BMPR1A: variants seen among roughly 807,000 people sequenced by gnomAD.
The protein encoded by BMPR1A is bone morphogenetic protein receptor type 1A.
Under a neutral mutation model 66.0 loss-of-function variants are expected in BMPR1A, and 7 were observed. The observed-to-expected ratio is 0.11, with a 90% CI of 0.06 to 0.20. The LOEUF is 0.20. BMPR1A is among the 10% of genes least tolerant of loss of function. The pLI is 1.00. For missense variants in BMPR1A, 408 were observed against 669.1 expected, an observed-to-expected ratio of 0.61 and a Z score of 4.31; for synonymous variants, 200 against 229.7, an observed-to-expected ratio of 0.87 and a Z score of 1.17.
At chr10:86,785,431 G>A (rs746322480) in intron 1 of BMPR1A, among the ~76,000 whole-genome samples, 2 of 152,140 alleles carry the variant, frequency 1.3e-5, no homozygotes, top group African/African-American at 2.4e-5. Context: ...TCACCTTCCC[G>A]AGTAGCTGGG....
chr10:86,887,953 T>C (rs1342665990), intron 3 of BMPR1A, among the ~76,000 whole-genome samples: 2 of 152,160 alleles, frequency 1.3e-5, no homozygotes, highest in African/African-American at 4.8e-5. Flanking sequence ...AGTGGATTTC[T>C]TCCCTTCCTG....
chr10:86,854,380 G>C (rs1184742616), intron 2 of BMPR1A, among the ~76,000 whole-genome samples: 1 of 152,162 alleles, frequency 6.6e-6, no homozygotes, highest in East Asian at 1.9e-4. Flanking sequence ...ACAGGATTAA[G>C]AGATTAAAGT....
intron 2 of BMPR1A, among the ~76,000 whole-genome samples, chr10:86,857,287 A>G (rs1261511922): frequency 6.6e-6 from 1 of 152,208 alleles, no homozygotes; most frequent in Non-Finnish European, 1.5e-5. Context: ...GCATAATCTC[A>G]GGAATGATCC....
chr10:86,912,894 T>G (rs189897140), intron 8 of BMPR1A, among the ~76,000 whole-genome samples: 1 of 152,212 alleles, frequency 6.6e-6, no homozygotes, highest in East Asian at 1.9e-4. Flanking sequence ...AAAAATAATT[T>G]TAAAGGGAAT....
At chr10:86,801,941 C>G (rs1480546218) in intron 1 of BMPR1A, among the ~76,000 whole-genome samples, 1 of 152,082 alleles carries the variant, frequency 6.6e-6, no homozygotes, top group Non-Finnish European at 1.5e-5. Flanking sequence ...GTCTCGATCT[C>G]CTGACCTTGT....
At chr10:86,914,304 C>A (rs1051416214) in intron 8 of BMPR1A, among the ~76,000 whole-genome samples, 1 of 152,082 alleles carries the variant, frequency 6.6e-6, no homozygotes, top group Non-Finnish European at 1.5e-5. Flanking sequence ...AAGTATAAAA[C>A]CTCTAAAAGA....
At chr10:86,803,448 A>C (rs968695466) in intron 1 of BMPR1A, among the ~76,000 whole-genome samples, 15 of 150,350 alleles carry the variant, frequency 1.0e-4, no homozygotes, top group African/African-American at 3.8e-4. Context: ...AAACTTAGAC[A>C]TTTTTTTCCC....
At chr10:86,864,753 C>T (rs1358333081) in intron 2 of BMPR1A, among the ~76,000 whole-genome samples, 1 of 152,148 alleles carries the variant, frequency 6.6e-6, no homozygotes, top group Non-Finnish European at 1.5e-5. Flanking sequence ...TTTTCTACTT[C>T]TTTTATTGGG....
At chr10:86,860,735 A>C (rs1249087696) in intron 2 of BMPR1A, among the ~76,000 whole-genome samples, 3 of 149,702 alleles carry the variant, frequency 2.0e-5, no homozygotes, top group Non-Finnish European at 4.4e-5. Flanking sequence ...GTGCCATTGC[A>C]CTACAGCCTG....
At chr10:86,922,325 C>T (rs909953636) in intron 11 of BMPR1A, among the ~76,000 whole-genome samples, 2 of 152,180 alleles carry the variant, frequency 1.3e-5, no homozygotes, top group African/African-American at 4.8e-5. Flanking sequence ...TAGGTTGCTT[C>T]CACATCTTGG....
intron 2 of BMPR1A, among the ~76,000 whole-genome samples, chr10:86,860,841 CTTTTT>C (rs1219747565): frequency 7.4e-6 from 1 of 135,074 alleles, no homozygotes; most frequent in Non-Finnish European, 1.6e-5. Flanking sequence ...TGCCATAGAA[CTTTTT>C]TTTTTTTTTT....
rs1321668735 is a variant in BMPR1A, at chr10:86,760,247, TC to T, written c.-268+3329del. Among the ~76,000 whole-genome samples the T allele has an allele frequency of 1.5e-3, 101 of 66,772 alleles. 3 individuals are homozygous for T. Among genetic ancestry groups the T allele is most frequent in the East Asian group, 0.014 (13 of 954 alleles). The allele number at this position is 66,772 out of a possible 152,430, so 43.8% of individuals were successfully genotyped here. On this transcript the variant is annotated intron_variant, in intron 1 of 12. Transcript: ENST00000372037. ...TTTTTTCTTTCTTTCTTTCTTTCTT[TC>T]TTTTTTTTTTTTTTTTTTTTTTTGA... is the stretch of plus-strand genomic sequence containing the variant.
At chr10:86,824,570 T>C (rs1347746634) in intron 1 of BMPR1A, among the ~76,000 whole-genome samples, 5 of 152,202 alleles carry the variant, frequency 3.3e-5, no homozygotes, top group African/African-American at 1.2e-4. Flanking sequence ...ATTGCTAGAC[T>C]TATTTCTCCT....
chr10:86,925,719 A>ACCTTTTTTTTTTTTTTTT lies in BMPR1A; in HGVS notation c.*2000_*2001insCCTTTTTTTTTTTTTTTT, dbSNP rs879569249. The ACCTTTTTTTTTTTTTTTT allele has an allele frequency of 8.1e-6, 1 of 123,450 alleles. No individual in the cohort carries two copies. The highest frequency in any genetic ancestry group is 5.2e-5 in the African/African-American group (1 of 19,226). 7.6% of individuals were successfully genotyped at this position (123,450 alleles called of 1,614,324 possible). A position where few individuals can be genotyped will look rare whatever the true frequency, so the allele number is the denominator to read the frequency against. ...ACCATAATCTTTAAAATCATTTGTC[A>ACCTTTTTTTTTTTTTTTT]TCTTTTTTTTTTTTTTTTTGAGACG... On this transcript the variant is annotated 3_prime_UTR_variant, in exon 13 of 13. Coordinates refer to ENST00000372037, the MANE Select transcript of BMPR1A (RefSeq NM_004329.3).
chr10:86,905,505 A>G (rs1363760130), intron 7 of BMPR1A, among the ~76,000 whole-genome samples: 1 of 152,180 alleles, frequency 6.6e-6, no homozygotes, highest in Non-Finnish European at 1.5e-5. Context: ...AATATTGATG[A>G]TCAACTGGCT....
At position 86,919,368 on chromosome 10, in the gene BMPR1A, G is replaced by A. The variant is rs1843626841; in HGVS notation, c.1065G>A (p.Lys355=). 6.2e-7 allele frequency: 1 copy of A among 1,613,036 alleles called. No homozygotes were observed. Residue 355 remains lysine, a synonymous_variant, in exon 10 of 13, where the codon AAG becomes AAA. Transcript: ENST00000372037. ...CAGAAATTTATGGCACCCAAGGAAA[G>A]CCCGCAATTGCTCATCGAGACCTAA... is the stretch of plus-strand genomic sequence containing the variant. ...LHTEIYGTQG[K]PAIAHRDLKS... is the part of the protein sequence containing the mutation.
chr10:86,819,985 T>G (rs554373196), intron 1 of BMPR1A, among the ~76,000 whole-genome samples: 1 of 152,210 alleles, frequency 6.6e-6, no homozygotes, highest in Non-Finnish European at 1.5e-5. Context: ...TTCTAGCACT[T>G]TTCCTACTAA....
chr10:86,890,151 G>A lies in BMPR1A; in HGVS notation c.157G>A (p.Glu53Lys), dbSNP rs1554888119. The A allele has an allele frequency of 6.2e-7, 1 of 1,614,022 alleles. No homozygotes were observed. Among genetic ancestry groups the A allele is most frequent in the African/African-American group, 1.3e-5 (1 of 74,930 alleles). ...AGAAAATGGAGTAACCTTAGCACCA[G>A]AGGATACCTTGCCTTTTTTAAAGTG... Reference protein sequence around the residue: ...KSENGVTLAPEDTLPFLKCYC... With the variant: ...KSENGVTLAPKDTLPFLKCYC... Residue 53 changes from glutamate (E) to lysine (K), a missense_variant, in exon 4 of 13, where the codon GAG (glutamate) becomes AAG (lysine). Coordinates refer to ENST00000372037, the MANE Select transcript of BMPR1A (RefSeq NM_004329.3).
intron 5 of BMPR1A, among the ~76,000 whole-genome samples, chr10:86,892,688 A>G (rs2133412287): frequency 6.6e-6 from 1 of 152,112 alleles, no homozygotes; most frequent in Non-Finnish European, 1.5e-5. Flanking sequence ...ATCGGCCCGC[A>G]AAGTGCTGGG....
Sources: gnomAD v4.1 joint callset for allele counts (sites outside exome capture counted in the v4.1 genomes callset) on GRCh38, gnomAD v4.1.1 for gene constraint, MANE v1.5 for transcripts, NCBI Gene and HGNC (gene_info 2026-07-23, HGNC 2026-07-21) for gene names.